The following USP37 variants were observed in gnomAD, a reference collection of about 807,000 sequenced individuals.
USP37 encodes ubiquitin specific peptidase 37, also known as ubiquitin carboxyl-terminal hydrolase 37.
USP37 carries 27 observed loss-of-function variants against 124.0 expected under a neutral mutation model. The ratio of observed to expected loss-of-function variants is 0.22; its 90% CI spans 0.16 to 0.30. USP37 has a LOEUF of 0.30. Among genes scored for constraint, USP37 ranks in the 10% least tolerant of loss-of-function variants. The probability of loss-of-function intolerance (pLI) is 1.00; values close to 1 mark genes in which losing one functional copy is unlikely to be tolerated. For missense variants in USP37, 889 were observed against 1,140.4 expected (o/e 0.78, Z 3.17); for synonymous variants, 365 against 388.0 (o/e 0.94, Z 0.70).
intron 21 of USP37, among the ~76,000 whole-genome samples, chr2:218,463,740 T>C (rs1166522963): frequency 6.6e-6 from 1 of 151,904 alleles, no homozygotes; most frequent in Non-Finnish European, 1.5e-5. Flanking sequence ...TTTCACCATG[T>C]TAGCCAGGGT....
At chr2:218,549,779 T>A (rs1269581425) in intron 6 of USP37, 30 bp downstream of exon 6, 4 of 1,595,548 alleles carry the variant, frequency 2.5e-6, no homozygotes, top group Admixed American at 1.7e-5. Context: ...TCATTTTTTT[T>A]AAATGCTAAA....
intron 8 of USP37, among the ~76,000 whole-genome samples, chr2:218,544,428 T>TAGAGAGAGAGAGAGAG (rs1241793062): frequency 2.0e-4 from 10 of 50,058 alleles, no homozygotes; most frequent in East Asian, 7.2e-4. Flanking sequence ...TATATATATA[T>TAGAGAGAGAGAGAGAG]ATAGAGAGAG....
chr2:218,508,372 A>G (rs879320952), intron 11 of USP37, among the ~76,000 whole-genome samples: 8 of 152,114 alleles, frequency 5.3e-5, no homozygotes, highest in Non-Finnish European at 1.2e-4. Context: ...AAAAGAGGAA[A>G]GATGTATTTC....
intron 7 of USP37, among the ~76,000 whole-genome samples, chr2:218,546,556 C>G (rs547536111): frequency 6.6e-6 from 1 of 152,072 alleles, no homozygotes; most frequent in South Asian, 2.1e-4. Context: ...GTAGCTGGGA[C>G]TATAGGCGTG....
At chr2:218,560,358 C>G (rs1473718636) in intron 3 of USP37, among the ~76,000 whole-genome samples, 2 of 152,188 alleles carry the variant, frequency 1.3e-5, no homozygotes, top group Non-Finnish European at 2.9e-5. Flanking sequence ...CTATCACTTA[C>G]TAATTTGTAA....
chr2:218,482,325 T>C (rs896353461), intron 16 of USP37, 91 bp from the exon 17 acceptor site: 33 of 1,363,132 alleles, frequency 2.4e-5, no homozygotes, highest in African/African-American at 2.9e-5. Flanking sequence ...TTAGACGACT[T>C]TTGATTTAAA....
Position 218,457,202 on chromosome 2 carries a change from G to A in USP37, c.2644-41C>T, listed in dbSNP as rs747427582. 6.4e-6 allele frequency: 10 copies of A among 1,562,216 alleles called. No individual in the cohort carries two copies. In the South Asian group the frequency reaches 8.0e-5, roughly 13 times the overall value. On this transcript the variant is annotated intron_variant, in intron 23 of 25. Coordinates refer to ENST00000258399, the MANE Select transcript of USP37 (RefSeq NM_020935.3). ...GGGTATAACTTTTAAGTCTTCATTT[G>A]AATAAAAGCAAAACACTGAATATAA... is the stretch of plus-strand genomic sequence containing the variant.
intron 21 of USP37, among the ~76,000 whole-genome samples, chr2:218,465,455 A>G (rs766784788): frequency 1.3e-5 from 2 of 152,192 alleles, no homozygotes; most frequent in Non-Finnish European, 2.9e-5. Flanking sequence ...AAAGAAAAAA[A>G]TAAATTTGGA....
At chr2:218,528,841 A>AAAAAT in intron 10 of USP37, 1 of 353,340 alleles carries the variant, frequency 2.8e-6, no homozygotes. Flanking sequence ...AAAAAAAAAA[A>AAAAAT]GAGCTTATCT....
rs143267050 is a variant in USP37, at chr2:218,565,932, C to T, written c.-230+2246G>A. Among the ~76,000 whole-genome samples the T allele has an allele frequency of 9.2e-5, 14 of 152,074 alleles. No homozygotes were observed. The East Asian group carries it at 2.7e-3, about 29-fold the overall frequency. On this transcript the variant is annotated intron_variant, in intron 1 of 25. Coordinates refer to ENST00000258399, the MANE Select transcript of USP37 (RefSeq NM_020935.3). ...GGCATGGTGGCGGGTGCCTGTAATC[C>T]CAGGTACTTGGGAGGCTGAGACAAG...
At chr2:218,534,105 T>C (rs568574873) in intron 9 of USP37, among the ~76,000 whole-genome samples, 1 of 152,328 alleles carries the variant, frequency 6.6e-6, no homozygotes, top group Non-Finnish European at 1.5e-5. Context: ...AAAGACTGGA[T>C]TCTTTATAAA....
chr2:218,513,220 T>A (rs1013817483), intron 10 of USP37, among the ~76,000 whole-genome samples: 4 of 151,998 alleles, frequency 2.6e-5, no homozygotes, highest in Admixed American at 6.6e-5. Flanking sequence ...TTTGAAGAGA[T>A]GGGGTCCCGC....
At chr2:218,489,845 AT>A (rs1254200469) in intron 14 of USP37, among the ~76,000 whole-genome samples, 2 of 152,082 alleles carry the variant, frequency 1.3e-5, no homozygotes, top group African/African-American at 4.8e-5. Flanking sequence ...ACCTTTTATA[AT>A]GGGATTATGC....
At chr2:218,554,746 CAAA>C (rs35776200) in intron 4 of USP37, among the ~76,000 whole-genome samples, 1 of 122,002 alleles carries the variant, frequency 8.2e-6, no homozygotes, top group African/African-American at 3.7e-5. Flanking sequence ...AACTTTGTCT[CAAA>C]AAAAAAAAAA....
intron 11 of USP37, among the ~76,000 whole-genome samples, chr2:218,500,322 T>C (rs1689309026): frequency 6.6e-6 from 1 of 152,078 alleles, no homozygotes; most frequent in Non-Finnish European, 1.5e-5. Flanking sequence ...TGCAGTGGTG[T>C]CATCTCGGCT....
chr2:218,457,551 C>G (rs981646186), intron 23 of USP37, among the ~76,000 whole-genome samples: 26 of 152,102 alleles, frequency 1.7e-4, no homozygotes, highest in African/African-American at 5.8e-4. Flanking sequence ...CACATAGTAA[C>G]TATAACTCTA....
chr2:218,470,183 ACT>A (rs1413800721), intron 20 of USP37, among the ~76,000 whole-genome samples: 1 of 151,804 alleles, frequency 6.6e-6, no homozygotes, highest in Non-Finnish European at 1.5e-5. Context: ...ATTGAAACCC[ACT>A]CTCTTCCTGA....
rs943282232 is a variant in USP37, at chr2:218,472,725, C to T, written c.2299+1905G>A. On this transcript the variant is annotated intron_variant, in intron 20 of 25. Transcript: ENST00000258399. ...AGGTGATTCACCCACCTCAGCCTCC[C>T]AAAGTGCTGGGATTACAGGCATGAG... Among the ~76,000 whole-genome samples, 4 of 152,240 alleles carry T rather than the reference C, an allele frequency of 2.6e-5. No homozygotes were observed. The East Asian group carries it at 7.7e-4, about 29-fold the overall frequency.
At chr2:218,503,908 T>C (rs1416985215) in intron 11 of USP37, among the ~76,000 whole-genome samples, 2 of 152,168 alleles carry the variant, frequency 1.3e-5, no homozygotes, top group African/African-American at 4.8e-5. Context: ...TTATCCATAA[T>C]TGTGAAAAAT....
Sources: allele counts gnomAD v4.1 joint callset (sites outside exome capture counted in the v4.1 genomes callset), GRCh38; gene constraint gnomAD v4.1.1; transcripts MANE v1.5; gene names NCBI Gene and HGNC (gene_info 2026-07-23, HGNC 2026-07-21).